HFM1: variants seen among roughly 807,000 people sequenced by gnomAD.
HFM1 encodes probable ATP-dependent DNA helicase HFM1.
HFM1 carries 169 observed loss-of-function variants against 192.1 expected under a neutral mutation model. The ratio of observed to expected loss-of-function variants is 0.88; its 90% CI spans 0.78 to 1.00. The LOEUF is 1.00. Among genes scored for constraint, HFM1 ranks in the 50% least tolerant of loss-of-function variants. HFM1 has a pLI of 0.00. For missense variants in HFM1, 1,661 were observed against 1,668.0 expected (o/e 1.00, Z 0.07); for synonymous variants, 525 against 537.8 (o/e 0.98, Z 0.33).
chr1:91,397,180 C>A (rs868263511), intron 2 of HFM1, among the ~76,000 whole-genome samples: 2 of 152,150 alleles, frequency 1.3e-5, no homozygotes, highest in Non-Finnish European at 2.9e-5. Context: ...AAATTAATGT[C>A]CTAACCGAAA....
intron 25 of HFM1, among the ~76,000 whole-genome samples, chr1:91,317,368 C>T (rs959518605): frequency 3.3e-5 from 5 of 152,204 alleles, no homozygotes; most frequent in Admixed American, 6.5e-5. Context: ...GAGCCAAGAT[C>T]GTGCCATTGT....
intron 8 of HFM1, 80 bp from the exon 9 acceptor site, chr1:91,379,294 G>A (rs556960166): frequency 2.8e-5 from 32 of 1,162,580 alleles, no homozygotes; most frequent in Non-Finnish European, 1.9e-5. Context: ...AATAAAGTTA[G>A]CATAAAAAAT....
At chr1:91,352,702 C>T in intron 15 of HFM1, 51 bp from the exon 16 acceptor site, 1 of 1,364,576 alleles carries the variant, frequency 7.3e-7, no homozygotes, top group Non-Finnish European at 9.8e-7. Context: ...TTTGTTGCTT[C>T]AGGAACATTT....
At chr1:91,273,383 C>A (rs1482062777) in intron 34 of HFM1, among the ~76,000 whole-genome samples, 1 of 151,944 alleles carries the variant, frequency 6.6e-6, no homozygotes, top group Non-Finnish European at 1.5e-5. Flanking sequence ...TTAAATAATT[C>A]TAATGATATA....
intron 30 of HFM1, among the ~76,000 whole-genome samples, chr1:91,298,801 A>T (rs1215053352): frequency 6.6e-6 from 1 of 152,216 alleles, no homozygotes; most frequent in African/African-American, 2.4e-5. Context: ...ATAAACATGG[A>T]AAGGAACAAC....
chr1:91,326,063 G>C (rs1181851009), intron 20 of HFM1, among the ~76,000 whole-genome samples: 1 of 152,000 alleles, frequency 6.6e-6, no homozygotes, highest in Non-Finnish European at 1.5e-5. Context: ...TACATAGTCA[G>C]AGGAGACAAA....
At chr1:91,300,210 T>C (rs1227659044) in intron 30 of HFM1, among the ~76,000 whole-genome samples, 1 of 152,134 alleles carries the variant, frequency 6.6e-6, no homozygotes, top group Non-Finnish European at 1.5e-5. Context: ...TCTGGACACA[T>C]ACACCCTCCC....
intron 32 of HFM1, 142 bp from the exon 33 acceptor site, chr1:91,274,951 G>A (rs1353894516): frequency 2.5e-5 from 11 of 442,478 alleles, no homozygotes; most frequent in Middle Eastern, 5.7e-4. Context: ...TTCTTGACTC[G>A]AATATTTCAC....
At position 91,319,370 on chromosome 1, in the gene HFM1, C is replaced by G. The variant is rs1557842330; in HGVS notation, c.2603G>C (p.Gly868Ala). The change falls in exon 24 of 39, where the codon GGA becomes GCA. Residue 868 changes from glycine (G) to alanine (A), a missense_variant. Physicochemically the swap from Gly to Ala is moderately conservative, Grantham distance 60 (BLOSUM62 0). Coordinates refer to ENST00000370425, the MANE Select transcript of HFM1 (RefSeq NM_001017975.6). The stretch of plus-strand genomic sequence containing the variant: ...AGCAAAATCTTGTATGGGAATGCAT[C>G]CTAGTTGAGCCTGAATAAGACTGGG... ...KVNCLIQAQL[G>A]CIPIQDFALT... 6.2e-7 allele frequency: 1 copy of G among 1,611,514 alleles called. No homozygotes were observed. The highest frequency in any genetic ancestry group is 2.2e-5 in the East Asian group (1 of 44,816).
chr1:91,343,382 G>A, intron 20 of HFM1, 48 bp downstream of exon 20: 1 of 896,038 alleles, frequency 1.1e-6, no homozygotes, highest in Non-Finnish European at 1.7e-6. Flanking sequence ...TTTTAATTTA[G>A]TCTTAAGTAA....
At position 91,358,104 on chromosome 1, in the gene HFM1, CT is replaced by C. The variant is rs1242912540; in HGVS notation, c.1686-4806del. 2.0e-5 allele frequency among the ~76,000 whole-genome samples: 3 copies of C among 152,024 alleles called. No homozygotes were observed. In the East Asian group the frequency reaches 5.8e-4, roughly 29 times the overall value. On this transcript the variant is annotated intron_variant, in intron 13 of 38. Transcript: ENST00000370425. Reference sequence around the variant, plus strand: ...ATAGAAGAAAAAATCATAAAATTAACTTTGGGATGCCGAGATGGGTGGATCA... The same window carrying C: ...ATAGAAGAAAAAATCATAAAATTAACTTGGGATGCCGAGATGGGTGGATCA...
chr1:91,354,411 T>C (rs544153742), intron 13 of HFM1, among the ~76,000 whole-genome samples: 2 of 152,114 alleles, frequency 1.3e-5, no homozygotes, highest in South Asian at 4.1e-4. Flanking sequence ...GGAAAAGGCA[T>C]AGAAAGTTTA....
At chr1:91,351,473 C>A in intron 17 of HFM1, 76 bp downstream of exon 17, 1 of 784,980 alleles carries the variant, frequency 1.3e-6, no homozygotes, top group Non-Finnish European at 2.0e-6. Flanking sequence ...AACCAAATTT[C>A]CCTTTGATAT....
rs71087940 is a variant in HFM1, at chr1:91,264,361, A to ATTTTTTTTTTTTTTTTTT, written c.3974+1638_3974+1655dup. Among the ~76,000 whole-genome samples, 483 of 57,086 alleles carry ATTTTTTTTTTTTTTTTTT rather than the reference A, an allele frequency of 8.5e-3. 87 individuals are homozygous for ATTTTTTTTTTTTTTTTTT. Among genetic ancestry groups the ATTTTTTTTTTTTTTTTTT allele is most frequent in the Non-Finnish European group, 9.9e-3 (328 of 32,970 alleles). 37.5% of individuals were successfully genotyped at this position (57,086 alleles called of 152,430 possible). ...TTCCAAGGGATACCACAAATTTAGT[A>ATTTTTTTTTTTTTTTTTT]TTTTTTTTTTTTTTTTTTTTTTTTT... On this transcript the variant is annotated intron_variant, in intron 36 of 38. Transcript: ENST00000370425.
intron 17 of HFM1, among the ~76,000 whole-genome samples, 168 bp from the exon 18 acceptor site, chr1:91,351,039 A>G (rs986231702): frequency 6.6e-6 from 1 of 152,056 alleles, no homozygotes; most frequent in Non-Finnish European, 1.5e-5. Flanking sequence ...TCAACTTCTA[A>G]AAGGCTTCAG....
intron 20 of HFM1, chr1:91,328,699 G>A: frequency 6.2e-7 from 1 of 1,602,276 alleles, no homozygotes; most frequent in African/African-American, 1.3e-5. Context: ...GCGGGGCTGA[G>A]GCAGAGAAGC....
intron 4 of HFM1, among the ~76,000 whole-genome samples, chr1:91,392,934 G>A (rs944820217): frequency 1.3e-5 from 2 of 152,010 alleles, no homozygotes; most frequent in East Asian, 1.9e-4. Context: ...GAGAAATGAA[G>A]AGTAACTGTT....
At chr1:91,286,442 T>TG (rs1667982341) in intron 30 of HFM1, among the ~76,000 whole-genome samples, 1 of 152,154 alleles carries the variant, frequency 6.6e-6, no homozygotes, top group Non-Finnish European at 1.5e-5. Flanking sequence ...TGTGGGAGCA[T>TG]AACTATAATC....
chr1:91,379,689 G>C (rs1007919472), intron 8 of HFM1, among the ~76,000 whole-genome samples: 1 of 152,116 alleles, frequency 6.6e-6, no homozygotes, highest in Non-Finnish European at 1.5e-5. Flanking sequence ...GTGGAGAAAG[G>C]TAGGGCAGAA....
Sources: gnomAD v4.1 joint callset for allele counts (sites outside exome capture counted in the v4.1 genomes callset) on GRCh38, gnomAD v4.1.1 for gene constraint, MANE v1.5 for transcripts, NCBI Gene and HGNC (gene_info 2026-07-23, HGNC 2026-07-21) for gene names.